The following SOD2 variants were observed in gnomAD, a reference collection of about 807,000 sequenced individuals.
The protein encoded by SOD2 is superoxide dismutase [Mn], mitochondrial.
In SOD2, 11 loss-of-function variants were observed where a neutral mutation model predicts 27.0. The observed-to-expected ratio is 0.41, with a 90% CI of 0.26 to 0.67. The LOEUF (loss-of-function observed/expected upper bound fraction) is 0.67. Ranked by LOEUF, SOD2 falls within the 30% of genes least tolerant of loss-of-function variation. SOD2 has a pLI of 0.34. For missense variants in SOD2, 250 were observed against 274.5 expected, an observed-to-expected ratio of 0.91 and a Z score of 0.63; for synonymous variants, 105 against 103.0, an observed-to-expected ratio of 1.02 and a Z score of -0.12.
At chr6:159,693,281 G>T, upstream of SOD2, 2 of 926,966 alleles carry the variant, frequency 2.2e-6, no homozygotes, top group Non-Finnish European at 3.2e-6. Context: ...GAAAGCGCGG[G>T]GAGCAGGGCC....
upstream of SOD2, chr6:159,748,712 T>A (rs1779709431): frequency 8.0e-7 from 1 of 1,252,402 alleles, no homozygotes; most frequent in Non-Finnish European, 1.0e-6. This position sits in a 1 kb window ranked among gnomAD's most constrained non-coding sequence, Gnocchi z 5.6. Flanking sequence ...ACAGAAGTCT[T>A]AAGTCTGTGG....
chr6:159,742,616 A>G (rs912849617), intron 1 of SOD2, among the ~76,000 whole-genome samples: 4 of 152,172 alleles, frequency 2.6e-5, no homozygotes, highest in Admixed American at 6.5e-5. Context: ...ATTTTAAGCC[A>G]TTTTAGTCTC....
exon 1 of SOD2, chr6:159,761,458 G>T (rs1290129650): frequency 2.2e-6 from 1 of 445,330 alleles, no homozygotes; most frequent in African/African-American, 2.1e-5. Context: ...AGAAGGCAGG[G>T]GGCTCGCACC....
At chr6:159,685,591 G>A (rs1380387841) in intron 3 of SOD2, among the ~76,000 whole-genome samples, 1 of 151,968 alleles carries the variant, frequency 6.6e-6, no homozygotes, top group African/African-American at 2.4e-5. Context: ...TGTTACACGG[G>A]TATCATATGA....
chr6:159,694,856 G>C (rs1378271195), upstream of SOD2, among the ~76,000 whole-genome samples: 1 of 151,476 alleles, frequency 6.6e-6, no homozygotes, highest in Non-Finnish European at 1.5e-5. Context: ...TGCCCGCCTC[G>C]GCCTTCCAAA....
chr6:159,727,386 G>A (rs1778242032), upstream of SOD2: 9 of 1,213,376 alleles, frequency 7.4e-6, no homozygotes, highest in South Asian at 1.1e-4. Context: ...GCGGGAGGCG[G>A]GAGGCGGGAG....
intron 1 of SOD2, among the ~76,000 whole-genome samples, chr6:159,707,422 T>C (rs1053906816): frequency 6.6e-6 from 1 of 152,028 alleles, no homozygotes. Context: ...CAATAAAAAA[T>C]GTTAAAGGAG....
chr6:159,706,345 C>CCAT (rs1777626508), intron 1 of SOD2, among the ~76,000 whole-genome samples: 2 of 152,040 alleles, frequency 1.3e-5, no homozygotes, highest in Non-Finnish European at 2.9e-5. Context: ...GAGTCAAGAC[C>CCAT]CATCAGTCTG....
chr6:159,736,467 A>G (rs1778924291), intron 1 of SOD2: 1 of 534,580 alleles, frequency 1.9e-6, no homozygotes, highest in East Asian at 2.9e-5. Flanking sequence ...CAGATATTGT[A>G]TCTTATATCC....
intron 1 of SOD2, among the ~76,000 whole-genome samples, chr6:159,743,459 T>C (rs1420960685): frequency 6.6e-6 from 1 of 152,220 alleles, no homozygotes; most frequent in African/African-American, 2.4e-5. Flanking sequence ...AAAAACATAA[T>C]TTAGTTAGTA....
rs568550306 is a variant in SOD2 at position 159,712,154 on chromosome 6, G to A, written c.-116+14975C>T. 8.1e-4 allele frequency among the ~76,000 whole-genome samples: 61 copies of A among 75,104 alleles called. 8 individuals are homozygous for A. The highest frequency in any genetic ancestry group is 2.2e-3 in the South Asian group (3 of 1,348). 49.3% of individuals were successfully genotyped at this position (75,104 alleles called of 152,430 possible). A position where few individuals can be genotyped will look rare whatever the true frequency, so the allele number is the denominator to read the frequency against. On this transcript the variant is annotated intron_variant, in intron 1 of 2. Coordinates refer to the SOD2 transcript ENST00000401980. ...CCACCTCCATAACCACCACTCAGCT[G>A]CTCTGACCACCATAACCACCTCCAC...
intron 1 of SOD2, among the ~76,000 whole-genome samples, chr6:159,752,166 G>T (rs2114955693): frequency 6.6e-6 from 1 of 152,094 alleles, no homozygotes; most frequent in East Asian, 1.9e-4. Flanking sequence ...AAGGCATACT[G>T]AAGTAGTGTA....
At chr6:159,756,457 T>C (rs566654698) in intron 1 of SOD2, 1 of 152,334 alleles carries the variant, frequency 6.6e-6, no homozygotes, top group African/African-American at 2.4e-5. Flanking sequence ...TTGCACACAA[T>C]TTTTAATTTA....
At chr6:159,702,667 AAAAAAAAAAAAAG>A (rs1777544277) in intron 1 of SOD2, among the ~76,000 whole-genome samples, 1 of 148,392 alleles carries the variant, frequency 6.7e-6, no homozygotes, top group African/African-American at 2.5e-5. Context: ...AAAAAAAAAA[AAAAAAAAAAAAAG>A]AAAGAAAGAA....
chr6:159,724,988 A>G (rs762036348), intron 1 of SOD2, among the ~76,000 whole-genome samples: 1 of 152,118 alleles, frequency 6.6e-6, no homozygotes, highest in Non-Finnish European at 1.5e-5. Flanking sequence ...AAGGGAAGGA[A>G]GGAAGAAAAC....
intron 1 of SOD2, among the ~76,000 whole-genome samples, chr6:159,754,529 C>T (rs1361051737): frequency 6.6e-6 from 1 of 152,132 alleles, no homozygotes; most frequent in East Asian, 1.9e-4. Context: ...TACAGTTGCC[C>T]TCGGTATCCA....
intron 1 of SOD2, among the ~76,000 whole-genome samples, chr6:159,705,012 C>G (rs889663984): frequency 3.9e-5 from 6 of 152,234 alleles, no homozygotes; most frequent in African/African-American, 1.4e-4. Context: ...CCCAGGCAAA[C>G]AGGGTCTGGA....
chr6:159,760,308 C>T (rs1359435700), intron 1 of SOD2: 3 of 152,198 alleles, frequency 2.0e-5, no homozygotes, highest in African/African-American at 7.2e-5. Flanking sequence ...TTCTCTCTGT[C>T]GCTCAGGCTG....
At position 159,682,400 on chromosome 6, in the gene SOD2, T is replaced by A; in HGVS notation, c.*93A>T. The A allele has an allele frequency of 9.5e-7, 1 of 1,049,066 alleles. No individual in the cohort carries two copies. Among genetic ancestry groups the A allele is most frequent in the Non-Finnish European group, 1.3e-6 (1 of 756,160 alleles). The allele number at this position is 1,049,066 out of a possible 1,614,324, so 65.0% of individuals were successfully genotyped here. A position where few individuals can be genotyped will look rare whatever the true frequency, so the allele number is the denominator to read the frequency against. On this transcript the variant is annotated 3_prime_UTR_variant, in exon 5 of 5. Coordinates refer to ENST00000538183, the MANE Select transcript of SOD2 (RefSeq NM_000636.4). ...GTGACTAAGCAACATCAAGAAATGC[T>A]ACAATAGAGCAGCTTACTGTATTCT...
Sources: gnomAD v4.1 joint callset for allele counts (sites outside exome capture counted in the v4.1 genomes callset) on GRCh38, gnomAD v4.1.1 for gene constraint, Gnocchi (gnomAD v3.1) non-coding constraint, MANE v1.5 for transcripts, NCBI Gene and HGNC (gene_info 2026-07-23, HGNC 2026-07-21) for gene names.